RBM5: variants seen among roughly 807,000 people sequenced by gnomAD.
RBM5 encodes RNA-binding protein 5.
In RBM5, 15 loss-of-function variants were observed where a neutral mutation model predicts 124.6. The observed-to-expected ratio is 0.12, with a 90% CI of 0.08 to 0.19. The LOEUF (loss-of-function observed/expected upper bound fraction) is 0.19. Ranked by LOEUF, RBM5 falls within the 10% of genes least tolerant of loss-of-function variation. The probability of loss-of-function intolerance (pLI) is 1.00; values close to 1 mark genes in which losing one functional copy is unlikely to be tolerated. For synonymous variants in RBM5, 337 were observed against 361.2 expected, an observed-to-expected ratio of 0.93 and a Z score of 0.76; for missense variants, 580 against 1,026.5, an observed-to-expected ratio of 0.57 and a Z score of 5.94.
intron 4 of RBM5, among the ~76,000 whole-genome samples, chr3:50,098,106 TA>T (rs1312803448): frequency 2.0e-5 from 3 of 151,950 alleles, no homozygotes; most frequent in Non-Finnish European, 2.9e-5. Flanking sequence ...CAAAAAAATT[TA>T]AAAAAAAGTT....
chr3:50,108,201 A>C, intron 13 of RBM5, 31 bp from the exon 14 acceptor site: 1 of 1,604,940 alleles, frequency 6.2e-7, no homozygotes, highest in Non-Finnish European at 8.5e-7. Flanking sequence ...GTGTCTGAGA[A>C]TAGCAGCTTT....
chr3:50,105,628 T>C lies in RBM5; in HGVS notation c.774T>C (p.Ala258=). The C allele has an allele frequency of 6.2e-7, 1 of 1,614,210 alleles. No homozygotes were observed. Among genetic ancestry groups the C allele is most frequent in the Non-Finnish European group, 8.5e-7 (1 of 1,180,014 alleles). The change falls in exon 10 of 25, where the codon GCT becomes GCC. Residue 258 remains alanine, a synonymous_variant. Coordinates refer to ENST00000347869, the MANE Select transcript of RBM5 (RefSeq NM_005778.4). ...MTALSPYASL[A]VNNIRLIKDK... is the part of the protein sequence containing the mutation. ...CACTGTCTCCTTACGCGTCTTTAGC[T>C]GTCAATAACATCCGCCTCATAAAAG...
intron 3 of RBM5, chr3:50,092,712 G>T (rs1463693577): frequency 2.2e-6 from 1 of 452,620 alleles, no homozygotes; most frequent in East Asian, 7.0e-5. Flanking sequence ...AAACAATGGG[G>T]TTATGATAAC....
chr3:50,096,014 A>G (rs2090807512), intron 4 of RBM5, among the ~76,000 whole-genome samples: 1 of 152,200 alleles, frequency 6.6e-6, no homozygotes, highest in South Asian at 2.1e-4. Flanking sequence ...TGAATGTGAC[A>G]AATGTGAGAC....
chr3:50,099,688 A>G, intron 4 of RBM5: 1 of 181,096 alleles, frequency 5.5e-6, no homozygotes, highest in Non-Finnish European at 1.1e-5. Context: ...ACAGAGCGAG[A>G]CTCCGTCTCA....
chr3:50,116,707 A>C (rs2091258952), intron 22 of RBM5: 7 of 299,512 alleles, frequency 2.3e-5, no homozygotes, highest in South Asian at 2.2e-4. Context: ...ATGCCTTTCC[A>C]AATGTTGGAG....
Position 50,107,512 on chromosome 3 carries a change from C to T in RBM5, c.984C>T (p.Val328=). ...KDLVLSDGNR[V]SAFSVASTAI... Reference sequence around the variant, plus strand: ...TGGTCCTCTCAGATGGTAACCGCGTCAGCGCTTTCTCTGTAGCTAGTACGG... The same window carrying T: ...TGGTCCTCTCAGATGGTAACCGCGTTAGCGCTTTCTCTGTAGCTAGTACGG... Residue 328 remains valine, a synonymous_variant, in exon 12 of 25, where the codon GTC becomes GTT. Coordinates refer to ENST00000347869, the MANE Select transcript of RBM5 (RefSeq NM_005778.4). The T allele has an allele frequency of 6.2e-7, 1 of 1,608,784 alleles. No individual in the cohort carries two copies. Among genetic ancestry groups the T allele is most frequent in the East Asian group, 2.2e-5 (1 of 44,840 alleles).
chr3:50,092,199 C>T lies in RBM5; in HGVS notation c.174C>T (p.Asp58=), dbSNP rs1189472271. 5.0e-6 allele frequency: 8 copies of T among 1,613,028 alleles called. No homozygotes were observed. The highest frequency in any genetic ancestry group is 5.9e-6 in the Non-Finnish European group (7 of 1,179,906). Residue 58 remains aspartate, a synonymous_variant, in exon 3 of 25, where the codon GAC becomes GAT. Coordinates refer to ENST00000347869, the MANE Select transcript of RBM5 (RefSeq NM_005778.4). ...GATATGATGACTACCGAGACTATGA[C>T]AGTCCAGAGGTGAGTGACCAGCGGC... ...GDRYDDYRDY[D]SPERERERRN... is the part of the protein sequence containing the mutation.
rs903090069 is a variant in RBM5, at chr3:50,118,523, C to T, written c.*67C>T. 1.9e-5 allele frequency: 30 copies of T among 1,560,280 alleles called. No individual in the cohort carries two copies. The East Asian group carries it at 3.0e-4, about 16-fold the overall frequency. ...GTCCATCTCCCGAATTCGCTGTTAC[C>T]GCCTGTCTCTTTAAGGGCATGCCTT... On this transcript the variant is annotated 3_prime_UTR_variant, in exon 25 of 25. Transcript: ENST00000347869.
Position 50,110,604 on chromosome 3 carries a change from T to C in RBM5, c.1364-75T>C. 3 of 1,473,860 alleles carry C rather than the reference T, an allele frequency of 2.0e-6. No individual in the cohort carries two copies. The South Asian group carries it at 3.5e-5, about 17-fold the overall frequency. The allele number at this position is 1,473,860 out of a possible 1,614,324, so 91.3% of individuals were successfully genotyped here. On this transcript the variant is annotated intron_variant, in intron 16 of 24. Coordinates refer to ENST00000347869, the MANE Select transcript of RBM5 (RefSeq NM_005778.4). ...GAGAAGAAACATTAGGCCTGCTGCATCTCACTGGCTTAGAATTTGAAATAA... is the reference window on the plus strand; with the variant it reads ...GAGAAGAAACATTAGGCCTGCTGCACCTCACTGGCTTAGAATTTGAAATAA...
chr3:50,116,045 A>G, intron 22 of RBM5, 65 bp downstream of exon 22: 1 of 1,466,980 alleles, frequency 6.8e-7, no homozygotes, highest in Admixed American at 1.7e-5. Context: ...TTTTATTTGT[A>G]GCATTTAGTT....
At chr3:50,101,797 A>G (rs1238580479) in intron 6 of RBM5, 3 of 152,220 alleles carry the variant, frequency 2.0e-5, no homozygotes, top group Non-Finnish European at 4.4e-5. Flanking sequence ...GTAACACATT[A>G]CAGTTCAAAT....
In RBM5 at chr3:50,113,426, G is replaced by C. The variant is rs143236556; in HGVS notation, c.1499G>C (p.Gly500Ala). 13 of 1,613,834 alleles carry C rather than the reference G, an allele frequency of 8.1e-6. No homozygotes were observed. The African/African-American group carries it at 1.6e-4, about 20-fold the overall frequency. ...ACCCAGCAGTACCTTTACTGGGATG[G>C]GGAAAAAGAGACCTACGTGCCAGCT... is the stretch of plus-strand genomic sequence containing the variant. Reference protein sequence around the residue: ...SLTQQYLYWDGEKETYVPAAE... With the variant: ...SLTQQYLYWDAEKETYVPAAE... The change falls in exon 18 of 25, where the codon GGG (glycine) becomes GCG (alanine). Residue 500 changes from glycine to alanine, a missense_variant. By Grantham distance (60) the Gly-to-Ala change is moderately conservative. Around this residue, in one of 6 missense-constraint regions of RBM5, gnomAD observed 234 missense variants for 435.1 expected, o/e 0.54. Coordinates refer to ENST00000347869, the MANE Select transcript of RBM5 (RefSeq NM_005778.4).
At chr3:50,109,720 G>A in intron 15 of RBM5, 32 bp downstream of exon 15, 1 of 1,573,140 alleles carries the variant, frequency 6.4e-7, no homozygotes, top group Non-Finnish European at 8.7e-7. Context: ...CAAAACTCGT[G>A]GCTGATGGGG....
Position 50,118,517 on chromosome 3 carries a change from T to C in RBM5, c.*61T>C. ...GAAGTGGTCCATCTCCCGAATTCGC[T>C]GTTACCGCCTGTCTCTTTAAGGGCA... is the stretch of plus-strand genomic sequence containing the variant. On this transcript the variant is annotated 3_prime_UTR_variant, in exon 25 of 25. Transcript: ENST00000347869. The C allele has an allele frequency of 8.9e-6, 14 of 1,564,570 alleles. No homozygotes were observed. Among genetic ancestry groups the C allele is most frequent in the Non-Finnish European group, 1.2e-5 (14 of 1,150,908 alleles).
chr3:50,112,454 G>A (rs1047669204), intron 17 of RBM5, among the ~76,000 whole-genome samples: 1 of 139,462 alleles, frequency 7.2e-6, no homozygotes, highest in Non-Finnish European at 1.5e-5. Context: ...AGTTGTGTCT[G>A]TTAGCCACGC....
chr3:50,103,909 C>G (rs941828460), intron 7 of RBM5, among the ~76,000 whole-genome samples: 1 of 152,130 alleles, frequency 6.6e-6, no homozygotes, highest in Admixed American at 6.6e-5. Context: ...GGTTAGTTTA[C>G]CTTGTGTTTG....
At position 50,100,455 on chromosome 3, in the gene RBM5, A is replaced by C. The variant is rs2090917148; in HGVS notation, c.410-77A>C. The stretch of plus-strand genomic sequence containing the variant: ...TGGCTTTGTCACGCAGTGTTGAAGC[A>C]GTGGGAGAGAGATTCACCTGTTATA... On this transcript the variant is annotated intron_variant, in intron 5 of 24. Coordinates refer to ENST00000347869, the MANE Select transcript of RBM5 (RefSeq NM_005778.4). This position sits in a 1 kb window ranked among gnomAD's most constrained non-coding sequence, Gnocchi z 5.1. 3.3e-6 allele frequency: 4 copies of C among 1,230,740 alleles called. No homozygotes were observed. Among genetic ancestry groups the C allele is most frequent in the Non-Finnish European group, 4.8e-6 (4 of 841,404 alleles). 76.2% of individuals were successfully genotyped at this position (1,230,740 alleles called of 1,614,324 possible). A position where few individuals can be genotyped will look rare whatever the true frequency, so the allele number is the denominator to read the frequency against.
chr3:50,100,147 T>A lies in RBM5; in HGVS notation c.409+96T>A. On this transcript the variant is annotated intron_variant, in intron 5 of 24. Coordinates refer to ENST00000347869, the MANE Select transcript of RBM5 (RefSeq NM_005778.4). The surrounding 1 kb of genome is among the most constrained non-coding windows in gnomAD (Gnocchi z 5.1). ...CTGATTCCCCCAGTCTTCAAGCACA[T>A]GAATTCAGAATGAAAGGTTTGCCAT... 8.9e-7 allele frequency: 1 copy of A among 1,123,164 alleles called. No homozygotes were observed. Among genetic ancestry groups the A allele is most frequent in the Non-Finnish European group, 1.3e-6 (1 of 771,514 alleles). 69.6% of individuals were successfully genotyped at this position (1,123,164 alleles called of 1,614,324 possible).
Sources: allele counts gnomAD v4.1 joint callset (sites outside exome capture counted in the v4.1 genomes callset), GRCh38; gene constraint gnomAD v4.1.1; regional missense constraint gnomAD v4.1.1; non-coding constraint Gnocchi (gnomAD v3.1); transcripts MANE v1.5; gene names NCBI Gene and HGNC (gene_info 2026-07-23, HGNC 2026-07-21).